IL1RAPL2: variants seen among roughly 807,000 people sequenced by gnomAD.
IL1RAPL2 encodes the protein interleukin 1 receptor accessory protein like 2, also known as X-linked interleukin-1 receptor accessory protein-like 2.
IL1RAPL2 carries 3 observed loss-of-function variants against 44.1 expected under a neutral mutation model. That is an observed-to-expected ratio of 0.07 (90% CI 0.03 to 0.18). The LOEUF (loss-of-function observed/expected upper bound fraction) is 0.18, where lower values mean the gene tolerates loss of function less well. IL1RAPL2 is among the 10% of genes least tolerant of loss of function. The pLI, the probability that IL1RAPL2 is intolerant of heterozygous loss-of-function variation, is 1.00. For missense variants in IL1RAPL2, 391 were observed against 496.4 expected (o/e 0.79, Z 2.02); for synonymous variants, 181 against 178.8 (o/e 1.01, Z -0.10).
intron 2 of IL1RAPL2, among the ~76,000 whole-genome samples, chrX:105,106,312 G>A (rs1016384281): frequency 9.0e-6 from 1 of 111,073 alleles, no homozygotes; most frequent in Admixed American, 9.6e-5. Flanking sequence ...TAAGAGCATG[G>A]CCTCTGGAGC....
At chrX:105,665,344 C>T (rs867568600) in intron 6 of IL1RAPL2, among the ~76,000 whole-genome samples, 31 of 98,550 alleles carry the variant, frequency 3.1e-4, no homozygotes, top group Non-Finnish European at 4.1e-4. Context: ...TATGCGCGTG[C>T]GTGTGTGTGT....
chrX:104,691,938 T>C (rs938519341), intron 2 of IL1RAPL2, among the ~76,000 whole-genome samples: 1 of 111,374 alleles, frequency 9.0e-6, no homozygotes, highest in Non-Finnish European at 1.9e-5. Flanking sequence ...AAGCACCAGA[T>C]GGCTCTATTT....
chrX:105,721,823 G>A (rs981688412), intron 7 of IL1RAPL2, among the ~76,000 whole-genome samples: 4 of 111,665 alleles, frequency 3.6e-5, no homozygotes, highest in African/African-American at 1.3e-4. Context: ...TAGCAGTGAC[G>A]GAAAGTTCCA....
intron 2 of IL1RAPL2, among the ~76,000 whole-genome samples, chrX:104,830,818 T>G (rs1423722799): frequency 8.9e-6 from 1 of 112,385 alleles, no homozygotes; most frequent in Non-Finnish European, 1.9e-5. Context: ...TATGTCCTGT[T>G]ACAGTGTCAC....
chrX:105,512,392 A>G (rs1041906877), intron 6 of IL1RAPL2, among the ~76,000 whole-genome samples: 11 of 111,434 alleles, frequency 9.9e-5, no homozygotes, highest in African/African-American at 3.3e-4. Flanking sequence ...AACATGGAGA[A>G]CAAAGTGGTA....
At chrX:104,714,027 G>A (rs1273512768) in intron 2 of IL1RAPL2, among the ~76,000 whole-genome samples, 1 of 110,733 alleles carries the variant, frequency 9.0e-6, no homozygotes. Flanking sequence ...TGAGACTATG[G>A]GGTTTTTTTA....
intron 2 of IL1RAPL2, among the ~76,000 whole-genome samples, chrX:104,965,452 T>C (rs1335262835): frequency 9.0e-6 from 1 of 111,607 alleles, no homozygotes; most frequent in Non-Finnish European, 1.9e-5. Flanking sequence ...TCCAGATTTG[T>C]ATCACCACAG....
chrX:104,708,639 G>A (rs1274526697), intron 2 of IL1RAPL2, among the ~76,000 whole-genome samples: 1 of 111,355 alleles, frequency 9.0e-6, no homozygotes, highest in Non-Finnish European at 1.9e-5. Flanking sequence ...GCATCAATTT[G>A]TTCCCTGCAT....
intron 2 of IL1RAPL2, among the ~76,000 whole-genome samples, chrX:104,876,617 C>T (rs948208430): frequency 5.8e-5 from 6 of 102,853 alleles, no homozygotes; most frequent in Non-Finnish European, 1.2e-4. Context: ...AAAACTGGTT[C>T]ACACACACAA....
chrX:105,208,659 C>T (rs782507890), intron 3 of IL1RAPL2, among the ~76,000 whole-genome samples: 1 of 111,708 alleles, frequency 9.0e-6, no homozygotes, highest in African/African-American at 3.3e-5. Context: ...AATCTACACA[C>T]TCGTTTCCAG....
intron 2 of IL1RAPL2, among the ~76,000 whole-genome samples, chrX:105,032,163 T>C (rs1306451125): frequency 4.5e-5 from 5 of 110,787 alleles, no homozygotes; most frequent in Admixed American, 9.6e-5. Context: ...TTTGTTGATC[T>C]TTTCAAAAAA....
intron 5 of IL1RAPL2, among the ~76,000 whole-genome samples, chrX:105,321,407 C>T (rs773856700): frequency 3.6e-5 from 4 of 111,683 alleles, no homozygotes; most frequent in South Asian, 3.8e-4. Context: ...ATTATATTAC[C>T]GTAACAAGAC....
At chrX:105,526,677 TTTTGGCAGTTACTC>T (rs2036597103) in intron 6 of IL1RAPL2, among the ~76,000 whole-genome samples, 1 of 111,745 alleles carries the variant, frequency 8.9e-6, no homozygotes, top group South Asian at 3.7e-4. Flanking sequence ...GACTCTGGCA[TTTTGGCAGTTACTC>T]TTTGCCAGGC....
intron 2 of IL1RAPL2, among the ~76,000 whole-genome samples, chrX:104,746,981 T>G (rs912782181): frequency 9.0e-6 from 1 of 111,727 alleles, no homozygotes; most frequent in Non-Finnish European, 1.9e-5. Context: ...ATCTAACATT[T>G]TATCCAGGCA....
intron 5 of IL1RAPL2, among the ~76,000 whole-genome samples, chrX:105,378,512 G>GGGAATAAAATAAATATTTTATTCC (rs2035405121): frequency 9.0e-6 from 1 of 111,430 alleles, no homozygotes; most frequent in Admixed American, 9.5e-5. Flanking sequence ...GGTGATAAAA[G>GGGAATAAAATAAATATTTTATTCC]CTAATAAAAT....
chrX:105,419,086 A>T (rs754883955), intron 5 of IL1RAPL2, among the ~76,000 whole-genome samples: 10 of 112,116 alleles, frequency 8.9e-5, no homozygotes, highest in African/African-American at 2.9e-4. Context: ...CTGGTAACTT[A>T]TAACAATTGT....
intron 2 of IL1RAPL2, among the ~76,000 whole-genome samples, chrX:105,008,312 A>G (rs1458876025): frequency 9.0e-6 from 1 of 111,586 alleles, no homozygotes; most frequent in Non-Finnish European, 1.9e-5. Flanking sequence ...GTCACCTCCC[A>G]CATCTTAACA....
At chrX:105,252,598 CT>C (rs1339939361) in intron 4 of IL1RAPL2, among the ~76,000 whole-genome samples, 1 of 111,814 alleles carries the variant, frequency 8.9e-6, no homozygotes, top group Non-Finnish European at 1.9e-5. Flanking sequence ...ACTAAAGCTT[CT>C]TAAGCAATGT....
chrX:105,639,424 C>T (rs2037548296), intron 6 of IL1RAPL2, among the ~76,000 whole-genome samples: 1 of 111,109 alleles, frequency 9.0e-6, no homozygotes, highest in South Asian at 3.8e-4. Context: ...AAGATGTGAA[C>T]ATCGGTGCAG....
Sources: allele counts gnomAD v4.1 joint callset (sites outside exome capture counted in the v4.1 genomes callset), GRCh38; gene constraint gnomAD v4.1.1; transcripts MANE v1.5; gene names NCBI Gene and HGNC (gene_info 2026-07-23, HGNC 2026-07-21).